The following MAML3 variants were observed in gnomAD, a reference collection of about 807,000 sequenced individuals.
MAML3 encodes mastermind like transcriptional coactivator 3.
A neutral mutation model predicts 101.9 loss-of-function variants in MAML3; 27 were observed. The observed-to-expected ratio is 0.27, with a 90% CI of 0.20 to 0.37. The LOEUF (loss-of-function observed/expected upper bound fraction) is 0.37, where lower values mean the gene tolerates loss of function less well. Ranked by LOEUF, MAML3 falls within the 10% of genes least tolerant of loss-of-function variation. The pLI, the probability that MAML3 is intolerant of heterozygous loss-of-function variation, is 1.00. For synonymous variants in MAML3, 501 were observed against 555.9 expected (o/e 0.90, Z 1.39); for missense variants, 1,316 against 1,444.9 (o/e 0.91, Z 1.45).
chr4:140,072,278 A>G (rs566760866), intron 1 of MAML3, among the ~76,000 whole-genome samples: 46 of 152,354 alleles, frequency 3.0e-4, no homozygotes, highest in African/African-American at 1.1e-3. Context: ...GAACATGTAC[A>G]GACTTTTTTC....
rs1281791333 is a variant in MAML3 at position 139,806,008 on chromosome 4, T to C, written c.2080-75341A>G. On this transcript the variant is annotated intron_variant, in intron 2 of 4. Coordinates refer to ENST00000509479, the MANE Select transcript of MAML3 (RefSeq NM_018717.5). ...AAGTTAGATTTGCACCTTGCAACTA[T>C]ACCAAAATACATTTCTGAAGAGCAT... 5.9e-5 allele frequency among the ~76,000 whole-genome samples: 9 copies of C among 152,284 alleles called. No individual in the cohort carries two copies. In the East Asian group the frequency reaches 9.6e-4, roughly 16 times the overall value.
At chr4:140,024,482 G>A (rs563162464) in intron 1 of MAML3, among the ~76,000 whole-genome samples, 2 of 152,162 alleles carry the variant, frequency 1.3e-5, no homozygotes, top group Admixed American at 6.5e-5. Flanking sequence ...TCCCACCTTG[G>A]CTCCCCAAAG....
At chr4:139,811,646 G>A (rs1382930216) in intron 2 of MAML3, among the ~76,000 whole-genome samples, 9 of 152,174 alleles carry the variant, frequency 5.9e-5, no homozygotes, top group Admixed American at 5.9e-4. Flanking sequence ...GCACATAGAT[G>A]GTAAAGGTAT....
chr4:139,933,146 C>G (rs1733435286), intron 1 of MAML3, among the ~76,000 whole-genome samples: 1 of 151,606 alleles, frequency 6.6e-6, no homozygotes, highest in Non-Finnish European at 1.5e-5. Context: ...AAGAAGGAAG[C>G]AAGGAAGGAA....
intron 2 of MAML3, among the ~76,000 whole-genome samples, chr4:139,758,300 C>T (rs535841591): frequency 1.4e-4 from 22 of 152,292 alleles, no homozygotes; most frequent in African/African-American, 5.3e-4. Flanking sequence ...GGTATGCCTT[C>T]CTACTCAGCA....
chr4:140,009,948 T>C (rs12506126), intron 1 of MAML3, among the ~76,000 whole-genome samples: 110,927 of 152,138 alleles, frequency 0.73, 42,546 homozygotes, highest in East Asian at 0.94. Context: ...GGCTGGATGG[T>C]ATAGAAAATT....
rs188873839 is a variant in MAML3, at chr4:139,721,889, G to A, written c.2417-1566C>T. ...TGTCATGCAGTTTTGTGACCTTAAC[G>A]ACTAAATTTTTATCGGCTGCATGGC... On this transcript the variant is annotated intron_variant, in intron 4 of 4. Coordinates refer to ENST00000509479, the MANE Select transcript of MAML3 (RefSeq NM_018717.5). Among the ~76,000 whole-genome samples the A allele has an allele frequency of 8.5e-5, 13 of 152,182 alleles. No individual in the cohort carries two copies. The East Asian group carries it at 1.7e-3, about 20-fold the overall frequency.
At chr4:139,793,725 C>G (rs1730461870) in intron 2 of MAML3, among the ~76,000 whole-genome samples, 1 of 152,206 alleles carries the variant, frequency 6.6e-6, no homozygotes, top group Admixed American at 6.5e-5. Context: ...TACACACTAT[C>G]TGAGTCCAGA....
intron 2 of MAML3, among the ~76,000 whole-genome samples, chr4:139,842,091 G>T (rs1015480915): frequency 1.3e-5 from 2 of 152,154 alleles, no homozygotes; most frequent in African/African-American, 4.8e-5. Flanking sequence ...CAGGCTGGGG[G>T]CAGTACCTGC....
rs374629744 is a variant in MAML3, at chr4:139,725,811, G to A, written c.2356C>T (p.Arg786Trp). ...TTCCGCTGTGGCTGGAGGTGCTGCC[G>A]GGGTAGATGTGATTGCTGCAACTGC... Reference protein sequence around the residue: ...EQQLQQSHLPRQHLQPQRNPY... With the variant: ...EQQLQQSHLPWQHLQPQRNPY... The change falls in exon 4 of 5, where the codon CGG becomes TGG. Residue 786 changes from arginine to tryptophan, a missense_variant. Arg to Trp is a moderately radical substitution (Grantham distance 101, BLOSUM62 -3). Transcript: ENST00000509479. 4 of 1,613,910 alleles carry A rather than the reference G, an allele frequency of 2.5e-6. No homozygotes were observed. Among genetic ancestry groups the A allele is most frequent in the Middle Eastern group, 1.6e-4 (1 of 6,062 alleles).
chr4:140,118,765 T>C (rs1728554914), intron 1 of MAML3, among the ~76,000 whole-genome samples: 1 of 152,188 alleles, frequency 6.6e-6, no homozygotes, highest in Admixed American at 6.5e-5. Flanking sequence ...GAAACGATCA[T>C]GCTGTAGCAG....
intron 2 of MAML3, among the ~76,000 whole-genome samples, chr4:139,872,327 T>C (rs1462438470): frequency 1.3e-5 from 2 of 152,212 alleles, no homozygotes; most frequent in African/African-American, 2.4e-5. Context: ...TCATGTGCAA[T>C]TGGTCTTCAA....
chr4:139,798,048 GAAAGAAAGAAA>G (rs1730544176), intron 2 of MAML3, among the ~76,000 whole-genome samples: 4 of 106,742 alleles, frequency 3.7e-5, no homozygotes, highest in Non-Finnish European at 7.7e-5. Context: ...AAGAAAGAAA[GAAAGAAAGAAA>G]GAAAGAAAGA....
intron 2 of MAML3, among the ~76,000 whole-genome samples, chr4:139,824,710 T>A (rs1054211418): frequency 3.9e-5 from 6 of 152,180 alleles, no homozygotes; most frequent in African/African-American, 1.2e-4. Flanking sequence ...CCTAGCAAAT[T>A]AATCTATTTT....
At chr4:139,828,607 T>C (rs1045264443) in intron 2 of MAML3, among the ~76,000 whole-genome samples, 2 of 151,168 alleles carry the variant, frequency 1.3e-5, no homozygotes, top group Non-Finnish European at 2.9e-5. Flanking sequence ...AATAGTTAAA[T>C]ACAACATAAT....
At chr4:140,071,097 C>G (rs1212737954) in intron 1 of MAML3, among the ~76,000 whole-genome samples, 1 of 152,214 alleles carries the variant, frequency 6.6e-6, no homozygotes, top group Admixed American at 6.5e-5. Flanking sequence ...CTGAAGCCTC[C>G]TTTGTCTATC....
intron 2 of MAML3, among the ~76,000 whole-genome samples, chr4:139,805,462 C>T (rs1028149215): frequency 6.6e-6 from 1 of 152,130 alleles, no homozygotes; most frequent in Non-Finnish European, 1.5e-5. Context: ...CTAATCAAGA[C>T]CCTCTTTTTA....
chr4:140,020,903 G>C (rs999799382), intron 1 of MAML3, among the ~76,000 whole-genome samples: 3 of 152,154 alleles, frequency 2.0e-5, no homozygotes, highest in Non-Finnish European at 4.4e-5. Context: ...ACCTAAGTTT[G>C]TGCTTGGGTC....
intron 1 of MAML3, among the ~76,000 whole-genome samples, chr4:140,015,826 G>C (rs1000346117): frequency 7.9e-5 from 12 of 152,130 alleles, no homozygotes; most frequent in Non-Finnish European, 1.6e-4. Flanking sequence ...GGTGGCACAC[G>C]CTTGTAATCC....
Sources: gnomAD v4.1 joint callset for allele counts (sites outside exome capture counted in the v4.1 genomes callset) on GRCh38, gnomAD v4.1.1 for gene constraint, MANE v1.5 for transcripts, NCBI Gene and HGNC (gene_info 2026-07-23, HGNC 2026-07-21) for gene names.